Variants in NBAS observed in about 807,000 individuals in gnomAD.
NBAS encodes the protein NAG/BC035112 fusion.
Under a neutral mutation model 302.5 loss-of-function variants are expected in NBAS, and 219 were observed. That is an observed-to-expected ratio of 0.72 (90% confidence interval 0.65 to 0.81). NBAS has a LOEUF of 0.81. NBAS is among the 30% of genes least tolerant of loss of function. NBAS has a pLI of 0.00. For missense variants in NBAS, 2,932 were observed against 2,841.6 expected, an observed-to-expected ratio of 1.03 and a Z score of -0.72; for synonymous variants, 1,118 against 1,021.6, an observed-to-expected ratio of 1.09 and a Z score of -1.80.
the NBAS span, among the ~76,000 whole-genome samples, chr2:14,923,907 A>C: frequency 2.6e-5 from 4 of 152,168 alleles, no homozygotes; most frequent in Non-Finnish European, 5.9e-5. Context: ...AAGGAAAAGG[A>C]CGCTGGAAGC....
At chr2:15,253,261 AG>A (rs1279452752) in intron 44 of NBAS, among the ~76,000 whole-genome samples, 1 of 152,114 alleles carries the variant, frequency 6.6e-6, no homozygotes, top group Non-Finnish European at 1.5e-5. Flanking sequence ...TTGGGAAAGG[AG>A]GGGGAATCAA....
At chr2:14,782,166 A>G in the NBAS span, among the ~76,000 whole-genome samples, 1 of 152,104 alleles carries the variant, frequency 6.6e-6, no homozygotes, top group East Asian at 1.9e-4. Flanking sequence ...ATCAACCTTT[A>G]CATCCTCTGT....
chr2:15,344,640 G>C (rs1673004546), intron 35 of NBAS, among the ~76,000 whole-genome samples: 1 of 152,094 alleles, frequency 6.6e-6, no homozygotes, highest in Admixed American at 6.6e-5. Context: ...GAAAAGGAGG[G>C]ACTCCTCCCT....
the NBAS span, among the ~76,000 whole-genome samples, chr2:15,087,943 G>A: frequency 6.6e-6 from 1 of 152,186 alleles, no homozygotes; most frequent in South Asian, 2.1e-4. Flanking sequence ...GACAAAACAC[G>A]CGGAGAGTGA....
At chr2:15,543,605 C>T (rs1033089799) in intron 6 of NBAS, among the ~76,000 whole-genome samples, 2 of 152,178 alleles carry the variant, frequency 1.3e-5, no homozygotes, top group Non-Finnish European at 2.9e-5. Context: ...CAAGACCCAT[C>T]GTGCATGGAT....
chr2:15,038,511 C>T, the NBAS span, among the ~76,000 whole-genome samples: 1 of 152,188 alleles, frequency 6.6e-6, no homozygotes, highest in Non-Finnish European at 1.5e-5. Flanking sequence ...GAAGCTCCCG[C>T]GACTAGCTCT....
At chr2:15,244,649 T>C (rs1446566549) in intron 44 of NBAS, among the ~76,000 whole-genome samples, 6 of 152,160 alleles carry the variant, frequency 3.9e-5, no homozygotes, top group Admixed American at 3.9e-4. Context: ...ATTTGTCCAT[T>C]TGGTTCACAG....
At chr2:14,857,590 A>G in the NBAS span, among the ~76,000 whole-genome samples, 1 of 152,172 alleles carries the variant, frequency 6.6e-6, no homozygotes, top group Admixed American at 6.6e-5. Flanking sequence ...AGTCTCTTCA[A>G]TAAATGCTGC....
At chr2:14,928,067 G>C in the NBAS span, among the ~76,000 whole-genome samples, 20 of 152,186 alleles carry the variant, frequency 1.3e-4, no homozygotes, top group South Asian at 4.1e-3. Context: ...AGTTTTTCAA[G>C]ATTTGTTAGC....
intron 11 of NBAS, among the ~76,000 whole-genome samples, chr2:15,499,050 T>G (rs1331661709): frequency 2.0e-5 from 3 of 151,328 alleles, no homozygotes; most frequent in African/African-American, 7.3e-5. Context: ...CACCTCAGCC[T>G]CCCAAGTAGC....
the NBAS span, among the ~76,000 whole-genome samples, chr2:14,836,248 AC>A: frequency 1.3e-5 from 2 of 151,550 alleles, no homozygotes; most frequent in African/African-American, 2.4e-5. Context: ...TTTTGTTTTT[AC>A]TGTTTTAATG....
chr2:15,405,006 A>G (rs1676341693), intron 25 of NBAS, among the ~76,000 whole-genome samples: 1 of 152,178 alleles, frequency 6.6e-6, no homozygotes, highest in South Asian at 2.1e-4. Flanking sequence ...TATTTCACTC[A>G]AATTAAATTA....
the NBAS span, among the ~76,000 whole-genome samples, chr2:15,063,504 T>C: frequency 5.3e-5 from 8 of 152,162 alleles, no homozygotes; most frequent in African/African-American, 1.9e-4. Flanking sequence ...TTTTTCAATA[T>C]ATAACGTTTT....
At chr2:14,983,624 G>A in the NBAS span, among the ~76,000 whole-genome samples, 1 of 152,072 alleles carries the variant, frequency 6.6e-6, no homozygotes, top group Non-Finnish European at 1.5e-5. Flanking sequence ...AAAAGTTAAA[G>A]CAATAGGATT....
chr2:15,071,354 G>A, the NBAS span, among the ~76,000 whole-genome samples: 1,441 of 152,290 alleles, frequency 9.5e-3, 9 homozygotes, highest in Middle Eastern at 0.044. Context: ...GGCCGGGCGC[G>A]GTGGCTCGCG....
the NBAS span, among the ~76,000 whole-genome samples, chr2:15,014,146 T>A: frequency 6.6e-6 from 1 of 152,154 alleles, no homozygotes; most frequent in African/African-American, 2.4e-5. Flanking sequence ...CACACAGATA[T>A]ATAAATCAAA....
At chr2:15,136,288 A>G in the NBAS span, among the ~76,000 whole-genome samples, 24 of 151,872 alleles carry the variant, frequency 1.6e-4, no homozygotes, top group African/African-American at 5.6e-4. Flanking sequence ...ACAGACCATA[A>G]CTCCCAATGG....
chr2:14,950,015 T>C, the NBAS span, among the ~76,000 whole-genome samples: 1 of 152,194 alleles, frequency 6.6e-6, no homozygotes, highest in African/African-American at 2.4e-5. Context: ...AGTAATCTAT[T>C]GTACATACTT....
chr2:14,993,869 C>G, the NBAS span, among the ~76,000 whole-genome samples: 3 of 152,108 alleles, frequency 2.0e-5, no homozygotes, highest in Non-Finnish European at 2.9e-5. Flanking sequence ...CAATAAATAT[C>G]TATTGAACAC....
Sources: gnomAD v4.1 joint callset for allele counts (sites outside exome capture counted in the v4.1 genomes callset) on GRCh38, gnomAD v4.1.1 for gene constraint, MANE v1.5 for transcripts, NCBI Gene and HGNC (gene_info 2026-07-23, HGNC 2026-07-21) for gene names.